The following PCDHGB1 variants were observed in gnomAD, a reference collection of about 807,000 sequenced individuals.
The protein encoded by PCDHGB1 is protocadherin gamma-B1.
In PCDHGB1, 34 loss-of-function variants were observed where a neutral mutation model predicts 56.6. The ratio of observed to expected loss-of-function variants is 0.60; its 90% CI spans 0.46 to 0.80. The LOEUF is 0.80. Among genes scored for constraint, PCDHGB1 ranks in the 30% least tolerant of loss-of-function variants. PCDHGB1 has a pLI of 0.00. For missense variants in PCDHGB1, 1,278 were observed against 1,204.6 expected, an observed-to-expected ratio of 1.06 and a Z score of -0.90; for synonymous variants, 561 against 505.9, an observed-to-expected ratio of 1.11 and a Z score of -1.46.
At chr5:141,458,735 A>G (rs2098952642) in intron 1 of PCDHGB1, among the ~76,000 whole-genome samples, 1 of 148,560 alleles carries the variant, frequency 6.7e-6, no homozygotes, top group East Asian at 2.0e-4. Context: ...ACATCCAGCT[A>G]TTGGTTTTGG....
intron 1 of PCDHGB1, chr5:141,422,827 A>T: frequency 6.2e-7 from 1 of 1,614,208 alleles, no homozygotes; most frequent in Non-Finnish European, 8.5e-7. Context: ...ACTGAGAGTG[A>T]TAGCACGTGA....
chr5:141,360,763 T>C lies in PCDHGB1; in HGVS notation c.2409+8094T>C, dbSNP rs760803467. On this transcript the variant is annotated intron_variant, in intron 1 of 3. Transcript: ENST00000523390. ...CAGAGAAGAGCACAGTTTACATCAA[T>C]TGGTCCTCACAGCTGTGGATGGCGG... 5.6e-6 allele frequency: 9 copies of C among 1,613,954 alleles called. No individual in the cohort carries two copies. In the South Asian group the frequency reaches 6.6e-5, roughly 12 times the overall value.
intron 2 of PCDHGB1, among the ~76,000 whole-genome samples, chr5:141,502,866 C>CTTTTTTT (rs549047197): frequency 0.02 from 2,590 of 127,990 alleles, 216 homozygotes; most frequent in African/African-American, 0.075. Flanking sequence ...GACTCTCTGT[C>CTTTTTTT]TTTTTTTTTT....
intron 1 of PCDHGB1, chr5:141,392,819 C>T (rs1346235587): frequency 1.4e-5 from 22 of 1,590,378 alleles, no homozygotes; most frequent in Non-Finnish European, 8.6e-6. Flanking sequence ...CAACAATGGC[C>T]GCTCCACAGA....
At chr5:141,371,794 C>T (rs776687123) in intron 1 of PCDHGB1, 2 of 1,613,950 alleles carry the variant, frequency 1.2e-6, no homozygotes, top group South Asian at 2.2e-5. Context: ...AACAATCCGC[C>T]TGGAGCCTCC....
At chr5:141,376,267 G>C (rs1021502624) in intron 1 of PCDHGB1, 2 of 1,614,092 alleles carry the variant, frequency 1.2e-6, no homozygotes, top group African/African-American at 2.7e-5. Context: ...TGCAGGCTTC[G>C]GGAGGTGGCT....
At chr5:141,447,657 C>A (rs997179275) in intron 1 of PCDHGB1, among the ~76,000 whole-genome samples, 4 of 152,088 alleles carry the variant, frequency 2.6e-5, no homozygotes, top group Non-Finnish European at 4.4e-5. Context: ...TTTTCCCCCC[C>A]AGGAAGTTAG....
At chr5:141,423,757 G>C (rs562479446) in intron 1 of PCDHGB1, 29 of 395,138 alleles carry the variant, frequency 7.3e-5, no homozygotes, top group African/African-American at 6.1e-4. Flanking sequence ...GTTTGGGGGG[G>C]GGGTGGGGCG....
chr5:141,403,687 G>A, intron 1 of PCDHGB1: 1 of 1,613,872 alleles, frequency 6.2e-7, no homozygotes, highest in East Asian at 2.2e-5. Context: ...TTGCTCAACG[G>A]ATTTACCGAG....
In PCDHGB1 at chr5:141,503,070, G is replaced by A. The variant is rs868143537; in HGVS notation, c.2469-2323G>A. 1.5e-4 allele frequency among the ~76,000 whole-genome samples: 23 copies of A among 151,614 alleles called. No individual in the cohort carries two copies. The Middle Eastern group carries it at 0.01, about 68-fold the overall frequency. On this transcript the variant is annotated intron_variant, in intron 2 of 3. Coordinates refer to ENST00000523390, the MANE Select transcript of PCDHGB1 (RefSeq NM_018922.3). ...GGGTTTCACCATGTTGGTCAGAATGGTCTCGATCTCCTGACCTCGTGGTCT... is the reference window on the plus strand; with the variant it reads ...GGGTTTCACCATGTTGGTCAGAATGATCTCGATCTCCTGACCTCGTGGTCT...
At chr5:141,508,408 C>T (rs938019804) in intron 3 of PCDHGB1, 1 of 152,180 alleles carries the variant, frequency 6.6e-6, no homozygotes, top group Non-Finnish European at 1.5e-5. Context: ...GCTTGAGCCA[C>T]GCAGAGACTT....
intron 2 of PCDHGB1, among the ~76,000 whole-genome samples, chr5:141,500,682 G>A (rs1661676761): frequency 6.6e-6 from 1 of 152,044 alleles, no homozygotes; most frequent in African/African-American, 2.4e-5. Context: ...CAGAATTATA[G>A]CTTTTTTCTT....
Position 141,392,778 on chromosome 5 carries a change from G to A in PCDHGB1, c.2409+40109G>A, listed in dbSNP as rs375878103. ...ACTAAATAAGACCCATTTATGCACA[G>A]TGAAGATTCTGAGAGGATTCTGCAG... On this transcript the variant is annotated intron_variant, in intron 1 of 3. Coordinates refer to ENST00000523390, the MANE Select transcript of PCDHGB1 (RefSeq NM_018922.3). 5 of 1,533,872 alleles carry A rather than the reference G, an allele frequency of 3.3e-6. No homozygotes were observed. The African/African-American group carries it at 6.9e-5, about 21-fold the overall frequency.
chr5:141,473,053 TACA>T (rs1452453123), intron 1 of PCDHGB1, among the ~76,000 whole-genome samples: 1 of 150,200 alleles, frequency 6.7e-6, no homozygotes, highest in Non-Finnish European at 1.5e-5. Flanking sequence ...AAAGAAGTGA[TACA>T]ACAAGTTACA....
At chr5:141,372,751 C>T (rs775212888) in intron 1 of PCDHGB1, 1 of 1,613,310 alleles carries the variant, frequency 6.2e-7, no homozygotes, top group Admixed American at 1.7e-5. Flanking sequence ...GATGAAGCCT[C>T]TTGGTTTGAA....
At chr5:141,415,095 C>A (rs1045755927) in intron 1 of PCDHGB1, 2 of 1,613,466 alleles carry the variant, frequency 1.2e-6, no homozygotes, top group East Asian at 2.2e-5. Flanking sequence ...TGGACAGAGA[C>A]GCGCTCAAGC....
In PCDHGB1 at chr5:141,490,679, A is replaced by C; in HGVS notation, c.2410-4128A>C. On this transcript the variant is annotated intron_variant, in intron 1 of 3. Coordinates refer to ENST00000523390, the MANE Select transcript of PCDHGB1 (RefSeq NM_018922.3). The surrounding 1 kb of genome is among the most constrained non-coding windows in gnomAD (Gnocchi z 5.4). ...CTTCTTTGCACTGTGGCTGCCTCAG[A>C]TCCAGACACTGGGGATAATGCCCGC... 6.2e-7 allele frequency: 1 copy of C among 1,614,164 alleles called. No individual in the cohort carries two copies. The highest frequency in any genetic ancestry group is 8.5e-7 in the Non-Finnish European group (1 of 1,180,034).
Position 141,350,912 on chromosome 5 carries a change from C to A in PCDHGB1, c.652C>A (p.Pro218Thr), listed in dbSNP as rs1302885746. The change falls in exon 1 of 4, where the codon CCT becomes ACT. Residue 218 changes from proline to threonine, a missense_variant. Physicochemically the swap from Pro to Thr is conservative, Grantham distance 38 (BLOSUM62 -1). Coordinates refer to ENST00000523390, the MANE Select transcript of PCDHGB1 (RefSeq NM_018922.3). ...ILTAMDGGDP[P>T]LSGTTHIWIR... The stretch of plus-strand genomic sequence containing the variant: ...GACTGCCATGGATGGCGGGGACCCG[C>A]CTCTAAGCGGCACCACCCATATCTG... 6.2e-7 allele frequency: 1 copy of A among 1,614,092 alleles called. No individual in the cohort carries two copies. The highest frequency in any genetic ancestry group is 2.2e-5 in the East Asian group (1 of 44,888).
At chr5:141,415,473 C>T in intron 1 of PCDHGB1, 2 of 1,614,224 alleles carry the variant, frequency 1.2e-6, no homozygotes, top group Non-Finnish European at 1.7e-6. Flanking sequence ...TCACCGCGGA[C>T]TCGCGAAAGA....
Sources: allele counts gnomAD v4.1 joint callset (sites outside exome capture counted in the v4.1 genomes callset), GRCh38; gene constraint gnomAD v4.1.1; non-coding constraint Gnocchi (gnomAD v3.1); transcripts MANE v1.5; gene names NCBI Gene and HGNC (gene_info 2026-07-23, HGNC 2026-07-21).